The following ADCY8 variants were observed in gnomAD, a reference collection of about 807,000 sequenced individuals.
The protein encoded by ADCY8 is adenylate cyclase type 8.
ADCY8 carries 51 observed loss-of-function variants against 119.7 expected under a neutral mutation model. The observed-to-expected ratio is 0.43, with a 90% CI of 0.34 to 0.54. The LOEUF (loss-of-function observed/expected upper bound fraction) is 0.54, where lower values mean the gene tolerates loss of function less well. Ranked by LOEUF, ADCY8 falls within the 20% of genes least tolerant of loss-of-function variation. ADCY8 has a pLI of 0.03. For missense variants in ADCY8, 1,383 were observed against 1,598.8 expected (o/e 0.87, Z 2.30); for synonymous variants, 665 against 651.0 (o/e 1.02, Z -0.33).
At chr8:130,898,755 T>G (rs1285139325) in intron 7 of ADCY8, among the ~76,000 whole-genome samples, 1 of 152,214 alleles carries the variant, frequency 6.6e-6, no homozygotes, top group African/African-American at 2.4e-5. Flanking sequence ...CCAGTTAAAA[T>G]GATTAATATC....
intron 9 of ADCY8, 58 bp from the exon 10 acceptor site, chr8:130,849,861 A>T: frequency 6.7e-7 from 1 of 1,485,072 alleles, no homozygotes; most frequent in Non-Finnish European, 9.2e-7. Flanking sequence ...CAACACTGAA[A>T]TTCTATTCCT....
intron 5 of ADCY8, among the ~76,000 whole-genome samples, chr8:130,929,441 T>C (rs1395330212): frequency 6.6e-6 from 1 of 152,214 alleles, no homozygotes; most frequent in African/African-American, 2.4e-5. Flanking sequence ...TTTGTGAATT[T>C]TGTGAAGTTC....
At position 130,847,733 on chromosome 8, in the gene ADCY8, C is replaced by CTGG. The variant is rs201019162; in HGVS notation, c.2413-221_2413-220insCCA. ...AAAAACAAGTGCTTGCTCAGAAAGA[C>CTGG]CTTTTGTAAGCCAGTCATGAAACTA... On this transcript the variant is annotated intron_variant, in intron 10 of 17. Transcript: ENST00000286355. 9.5e-4 allele frequency among the ~76,000 whole-genome samples: 144 copies of CTGG among 152,196 alleles called. 1 individual carries two copies. The highest frequency in any genetic ancestry group is 5.6e-3 in the Admixed American group (86 of 15,284).
rs75380221 is a variant in ADCY8, at chr8:131,015,060, G to T, written c.960+24314C>A. On this transcript the variant is annotated intron_variant, in intron 1 of 17. Coordinates refer to ENST00000286355, the MANE Select transcript of ADCY8 (RefSeq NM_001115.3). Reference sequence around the variant, plus strand: ...TCTTACCCAGGGCACATGCTATTGGGTTAGACATAGGCCTCTAAGATAAGT... The same window carrying T: ...TCTTACCCAGGGCACATGCTATTGGTTTAGACATAGGCCTCTAAGATAAGT... Among the ~76,000 whole-genome samples the T allele has an allele frequency of 4.0e-3, 608 of 152,218 alleles. 3 individuals are homozygous for T. Among genetic ancestry groups the T allele is most frequent in the African/African-American group, 0.014 (586 of 41,546 alleles).
chr8:130,979,646 G>C lies in ADCY8; in HGVS notation c.1110+10747C>G, dbSNP rs1822179665. On this transcript the variant is annotated intron_variant, in intron 2 of 17. Transcript: ENST00000286355. ...GAAGACTGTTTAGGTCTGAGTACCA[G>C]GTGTACAACTTACTAGCTGTTATTT... Among the ~76,000 whole-genome samples, 4 of 152,278 alleles carry C rather than the reference G, an allele frequency of 2.6e-5. No homozygotes were observed. The South Asian group carries it at 8.3e-4, about 32-fold the overall frequency.
chr8:131,025,529 C>T (rs1307136839), intron 1 of ADCY8, among the ~76,000 whole-genome samples: 1 of 152,174 alleles, frequency 6.6e-6, no homozygotes, highest in African/African-American at 2.4e-5. Context: ...TGCCAGTGTC[C>T]ATTCCGGTGA....
chr8:130,828,601 T>C (rs1034783704), intron 12 of ADCY8, among the ~76,000 whole-genome samples: 1 of 152,222 alleles, frequency 6.6e-6, no homozygotes, highest in Admixed American at 6.5e-5. Context: ...ACACCCTAGC[T>C]TCCCAATTCT....
At chr8:130,956,983 G>T (rs769852934) in intron 2 of ADCY8, among the ~76,000 whole-genome samples, 1 of 152,142 alleles carries the variant, frequency 6.6e-6, no homozygotes, top group Non-Finnish European at 1.5e-5. Context: ...TACTAGTAGC[G>T]TGAAAACAGA....
intron 3 of ADCY8, among the ~76,000 whole-genome samples, chr8:130,948,794 G>C (rs910496947): frequency 5.3e-5 from 8 of 152,256 alleles, no homozygotes; most frequent in Admixed American, 1.3e-4. Flanking sequence ...GGGTGGAGCA[G>C]CCAGTTGGCT....
chr8:130,881,863 T>TG (rs979150838), intron 8 of ADCY8, among the ~76,000 whole-genome samples: 16 of 144,618 alleles, frequency 1.1e-4, no homozygotes, highest in African/African-American at 3.5e-4. Context: ...TTTTTTTTTT[T>TG]GTCCACATTC....
intron 5 of ADCY8, among the ~76,000 whole-genome samples, chr8:130,925,451 T>C (rs1820436556): frequency 6.6e-6 from 1 of 152,206 alleles, no homozygotes; most frequent in South Asian, 2.1e-4. Context: ...TATCCTCATT[T>C]TGCAGACGAG....
chr8:130,865,251 T>C (rs1446301860), intron 9 of ADCY8, among the ~76,000 whole-genome samples: 2 of 152,130 alleles, frequency 1.3e-5, no homozygotes, highest in East Asian at 3.8e-4. Flanking sequence ...ATGATGTTCT[T>C]TCTTTCACTT....
intron 15 of ADCY8, among the ~76,000 whole-genome samples, chr8:130,796,632 C>T (rs1815586333): frequency 6.6e-6 from 1 of 152,144 alleles, no homozygotes; most frequent in South Asian, 2.1e-4. Context: ...AAAGGCAGGT[C>T]TGAGTGACCC....
chr8:130,781,508 C>G (rs936623567), intron 17 of ADCY8, among the ~76,000 whole-genome samples: 1 of 152,222 alleles, frequency 6.6e-6, no homozygotes, highest in Non-Finnish European at 1.5e-5. Flanking sequence ...CTTTCACTTA[C>G]AGGATAAAGC....
At position 130,780,433 on chromosome 8, in the gene ADCY8, G is replaced by A; in HGVS notation, c.3713C>T (p.Pro1238Leu). Residue 1238 changes from proline to leucine, a missense_variant, in exon 18 of 18, where the codon CCT (proline) becomes CTT (leucine). Coordinates refer to ENST00000286355, the MANE Select transcript of ADCY8 (RefSeq NM_001115.3). Reference protein sequence around the residue: ...RTLLSPSGTEPGAQAEGTDKS... With the variant: ...RTLLSPSGTELGAQAEGTDKS... ...GTCGGTGCCTTCAGCCTGGGCTCCAGGCTCTGTGCCGCTGGGTGACAACAA... is the reference window on the plus strand; with the variant it reads ...GTCGGTGCCTTCAGCCTGGGCTCCAAGCTCTGTGCCGCTGGGTGACAACAA... 3.1e-6 allele frequency: 5 copies of A among 1,611,648 alleles called. No individual in the cohort carries two copies. Among genetic ancestry groups the A allele is most frequent in the Non-Finnish European group, 4.2e-6 (5 of 1,179,126 alleles).
Position 130,954,987 on chromosome 8 carries a change from G to A in ADCY8, c.1111-2989C>T, listed in dbSNP as rs139321657. Among the ~76,000 whole-genome samples the A allele has an allele frequency of 7.7e-3, 1,177 of 152,308 alleles. 19 individuals are homozygous for A. Among genetic ancestry groups the A allele is most frequent in the African/African-American group, 0.026 (1,090 of 41,566 alleles). ...TAAGGAGGGTTCCTGAAAAATGTGT[G>A]AGGGTTCAAACATTTATTTATTTAT... On this transcript the variant is annotated intron_variant, in intron 2 of 17. Coordinates refer to ENST00000286355, the MANE Select transcript of ADCY8 (RefSeq NM_001115.3).
intron 5 of ADCY8, among the ~76,000 whole-genome samples, chr8:130,922,392 T>A (rs111474853): frequency 0.088 from 13,266 of 151,220 alleles, 590 homozygotes; most frequent in Non-Finnish European, 0.1. Flanking sequence ...GTACTTGAGA[T>A]TAGGGAGTGG....
chr8:130,810,542 T>G (rs1816132904), intron 14 of ADCY8, among the ~76,000 whole-genome samples: 1 of 152,112 alleles, frequency 6.6e-6, no homozygotes, highest in African/African-American at 2.4e-5. Flanking sequence ...AGTTTCCTCA[T>G]CAATACTATG....
At chr8:130,921,449 C>CTTTTTTTTTTT (rs35570520) in intron 5 of ADCY8, among the ~76,000 whole-genome samples, 42 of 107,596 alleles carry the variant, frequency 3.9e-4, no homozygotes, top group Non-Finnish European at 4.9e-4. Context: ...TTTTTCTTTT[C>CTTTTTTTTTTT]TTTTTTTTTT....
Sources: allele counts gnomAD v4.1 joint callset (sites outside exome capture counted in the v4.1 genomes callset), GRCh38; gene constraint gnomAD v4.1.1; transcripts MANE v1.5; gene names NCBI Gene and HGNC (gene_info 2026-07-23, HGNC 2026-07-21).